Variants in RAPGEF4 observed in about 807,000 individuals in gnomAD.
RAPGEF4 encodes RAP guanine-nucleotide-exchange factor (GEF) 4.
RAPGEF4 carries 66 observed loss-of-function variants against 147.9 expected under a neutral mutation model. The observed-to-expected ratio is 0.45, with a 90% CI of 0.37 to 0.55. The LOEUF (loss-of-function observed/expected upper bound fraction) is 0.55, where lower values mean the gene tolerates loss of function less well. Among genes scored for constraint, RAPGEF4 ranks in the 20% least tolerant of loss-of-function variants. The pLI, the probability that RAPGEF4 is intolerant of heterozygous loss-of-function variation, is 0.00. For missense variants in RAPGEF4, 1,071 were observed against 1,257.3 expected (o/e 0.85, Z 2.24); for synonymous variants, 419 against 442.7 (o/e 0.95, Z 0.67).
At chr2:172,895,441 A>G (rs1452560945) in intron 4 of RAPGEF4, among the ~76,000 whole-genome samples, 1 of 152,140 alleles carries the variant, frequency 6.6e-6, no homozygotes, top group Non-Finnish European at 1.5e-5. Context: ...TGCTTTGGGG[A>G]AAGATCATAG....
chr2:172,829,281 C>G (rs537912132), intron 4 of RAPGEF4, among the ~76,000 whole-genome samples: 1 of 152,356 alleles, frequency 6.6e-6, no homozygotes, highest in African/African-American at 2.4e-5. Context: ...GTGGCAAGAG[C>G]TCACCTTGGC....
At chr2:172,924,958 T>C (rs11682431) in intron 6 of RAPGEF4, among the ~76,000 whole-genome samples, 7,257 of 152,292 alleles carry the variant, frequency 0.048, 297 homozygotes, top group Non-Finnish European at 0.067. Context: ...GTTTTTGTTT[T>C]TGTTTTTGAG....
intron 1 of RAPGEF4, among the ~76,000 whole-genome samples, chr2:172,786,504 A>T (rs930937389): frequency 1.3e-5 from 2 of 152,198 alleles, no homozygotes; most frequent in Non-Finnish European, 1.5e-5. Flanking sequence ...TGTTCGGTGA[A>T]TGGAGAGCCA....
At chr2:172,994,613 G>A (rs188630831) in intron 15 of RAPGEF4, among the ~76,000 whole-genome samples, 19 of 152,326 alleles carry the variant, frequency 1.2e-4, no homozygotes, top group East Asian at 3.9e-4. Context: ...CTCTAACCCC[G>A]TTTCCTGATT....
intron 23 of RAPGEF4, among the ~76,000 whole-genome samples, chr2:173,024,109 C>T (rs1346014659): frequency 6.6e-6 from 1 of 152,214 alleles, no homozygotes; most frequent in Admixed American, 6.5e-5. Context: ...TCCTCTGTCC[C>T]CTGTGTAGAG....
chr2:172,939,571 G>C (rs1271355553), intron 6 of RAPGEF4, among the ~76,000 whole-genome samples: 2 of 152,090 alleles, frequency 1.3e-5, no homozygotes, highest in Non-Finnish European at 2.9e-5. Context: ...TCCAGTCTGT[G>C]GTTTTGCTTT....
chr2:172,793,776 G>A (rs1233757852), intron 1 of RAPGEF4, among the ~76,000 whole-genome samples: 3 of 152,164 alleles, frequency 2.0e-5, no homozygotes, highest in African/African-American at 7.2e-5. Context: ...GTTATGAAAT[G>A]GCAGTCAGCA....
chr2:172,941,422 G>C (rs2042564), intron 6 of RAPGEF4, among the ~76,000 whole-genome samples: 152,016 of 152,300 alleles, frequency 1, 75,866 homozygotes, highest in Non-Finnish European at 1. Flanking sequence ...TTTCTAATTT[G>C]ACTATTCTTT....
At chr2:172,884,005 T>A (rs1696909722) in intron 4 of RAPGEF4, among the ~76,000 whole-genome samples, 1 of 152,224 alleles carries the variant, frequency 6.6e-6, no homozygotes, top group African/African-American at 2.4e-5. Flanking sequence ...ACAGCAGCTA[T>A]GGTATCACAC....
intron 29 of RAPGEF4, among the ~76,000 whole-genome samples, chr2:173,041,931 G>A (rs1684816212): frequency 6.6e-6 from 1 of 152,190 alleles, no homozygotes; most frequent in Non-Finnish European, 1.5e-5. Context: ...CTTGTGGGAA[G>A]GGAAGAAGAT....
At chr2:172,991,033 T>C (rs1324683438) in intron 15 of RAPGEF4, 108 bp downstream of exon 15, 1 of 813,632 alleles carries the variant, frequency 1.2e-6, no homozygotes, top group African/African-American at 1.7e-5. Context: ...GATGGCAGTG[T>C]ATGTGACTTT....
At chr2:172,737,459 A>AATAG (rs10657436) in intron 1 of RAPGEF4, among the ~76,000 whole-genome samples, 137,310 of 151,900 alleles carry the variant, frequency 0.9, 62,748 homozygotes, top group Non-Finnish European at 0.96. Flanking sequence ...ATTTTTAGAT[A>AATAG]ATAACATATT....
At chr2:172,872,904 G>C (rs953235189) in intron 4 of RAPGEF4, among the ~76,000 whole-genome samples, 107 of 152,252 alleles carry the variant, frequency 7.0e-4, no homozygotes, top group African/African-American at 2.5e-3. Flanking sequence ...ACAAGCAGTA[G>C]TGGTGTTACA....
At chr2:173,009,536 G>C (rs75784903) in intron 17 of RAPGEF4, among the ~76,000 whole-genome samples, 2,037 of 152,092 alleles carry the variant, frequency 0.013, 23 homozygotes, top group Admixed American at 0.034. Flanking sequence ...TCCAAAATTC[G>C]AAGTTTTTTT....
chr2:172,737,868 G>T (rs1161729233), intron 1 of RAPGEF4, among the ~76,000 whole-genome samples: 1 of 152,144 alleles, frequency 6.6e-6, no homozygotes, highest in Admixed American at 6.5e-5. Flanking sequence ...ATGAGGATAG[G>T]ACTATCAGGG....
At chr2:172,927,574 A>G (rs1224477667) in intron 6 of RAPGEF4, among the ~76,000 whole-genome samples, 8 of 152,182 alleles carry the variant, frequency 5.3e-5, no homozygotes, top group African/African-American at 1.4e-4. Context: ...AGTTGAGGCT[A>G]CAGTGAGCCA....
intron 4 of RAPGEF4, among the ~76,000 whole-genome samples, chr2:172,912,386 G>C (rs1683530626): frequency 6.6e-6 from 1 of 152,116 alleles, no homozygotes; most frequent in Non-Finnish European, 1.5e-5. Flanking sequence ...GCATCCTTAA[G>C]ATTCTTTTAA....
Position 173,017,457 on chromosome 2 carries a change from G to T in RAPGEF4, c.1961G>T (p.Gly654Val). The T allele has an allele frequency of 6.2e-7, 1 of 1,614,176 alleles. No individual in the cohort carries two copies. Among genetic ancestry groups the T allele is most frequent in the Non-Finnish European group, 8.5e-7 (1 of 1,180,028 alleles). The change falls in exon 21 of 31, where the codon GGC becomes GTC. Residue 654 changes from glycine (G) to valine (V), a missense_variant. Coordinates refer to ENST00000397081, the MANE Select transcript of RAPGEF4 (RefSeq NM_007023.4). ...HKVLLQQFNT[G>V]DERAQKRQPI... Reference sequence around the variant, plus strand: ...GTTCTTTTGCAACAGTTCAATACGGGCGATGAGAGAGCCCAGAAGCGCCAG... The same window carrying T: ...GTTCTTTTGCAACAGTTCAATACGGTCGATGAGAGAGCCCAGAAGCGCCAG...
intron 17 of RAPGEF4, among the ~76,000 whole-genome samples, chr2:173,006,141 C>T (rs1246517057): frequency 6.6e-6 from 1 of 152,148 alleles, no homozygotes; most frequent in African/African-American, 2.4e-5. Flanking sequence ...GCCTATAACT[C>T]CAATTGCCAG....
Sources: gnomAD v4.1 joint callset for allele counts (sites outside exome capture counted in the v4.1 genomes callset) on GRCh38, gnomAD v4.1.1 for gene constraint, MANE v1.5 for transcripts, NCBI Gene and HGNC (gene_info 2026-07-23, HGNC 2026-07-21) for gene names.